Variants in LAMA5 observed in about 807,000 individuals in gnomAD.
LAMA5 encodes the protein laminin subunit alpha-5.
Under a neutral mutation model 433.4 loss-of-function variants are expected in LAMA5, and 260 were observed. That is an observed-to-expected ratio of 0.60 (90% CI 0.54 to 0.66). The LOEUF (loss-of-function observed/expected upper bound fraction) is 0.66, where lower values mean the gene tolerates loss of function less well. Ranked by LOEUF, LAMA5 falls within the 30% of genes least tolerant of loss-of-function variation. The probability of loss-of-function intolerance (pLI) is 0.00; values close to 1 mark genes in which losing one functional copy is unlikely to be tolerated. For synonymous variants in LAMA5, 2,620 were observed against 2,226.6 expected, an observed-to-expected ratio of 1.18 and a Z score of -4.97; for missense variants, 5,378 against 5,258.5, an observed-to-expected ratio of 1.02 and a Z score of -0.70.
rs773741750 is a variant in LAMA5, at chr20:62,327,445, C to A, written c.4939-39G>T. 4.4e-6 allele frequency: 7 copies of A among 1,595,696 alleles called. No homozygotes were observed. In the East Asian group the frequency reaches 1.3e-4, roughly 31 times the overall value. On this transcript the variant is annotated intron_variant, in intron 37 of 79. Coordinates refer to ENST00000252999, the MANE Select transcript of LAMA5 (RefSeq NM_005560.6). ...CGTGTGGCTGCACACGGGTGGATGCCCACACATCACAGGGCCCCATCTTGC... is the reference window on the plus strand; with the variant it reads ...CGTGTGGCTGCACACGGGTGGATGCACACACATCACAGGGCCCCATCTTGC...
Position 62,318,493 on chromosome 20 carries a change from C to A in LAMA5, c.7200G>T (p.Glu2400Asp). 6.2e-7 allele frequency: 1 copy of A among 1,608,350 alleles called. No homozygotes were observed. The highest frequency in any genetic ancestry group is 1.1e-5 in the South Asian group (1 of 91,044). The change falls in exon 53 of 80, where the codon GAG becomes GAT. Residue 2400 changes from glutamate to aspartate, a missense_variant. By Grantham distance (45) the Glu-to-Asp change is conservative. Coordinates refer to ENST00000252999, the MANE Select transcript of LAMA5 (RefSeq NM_005560.6). ...RAVDATREAQ[E>D]LNSRNQERLE... ...GGCGCTCCTGGTTGCGGCTGTTGAG[C>A]TCCTGGGCCTCCCGTGTGGCGTCCA...
At chr20:62,322,806 AGGGAGCCCCTAGGCACC>A (rs1210531894) in intron 45 of LAMA5, 48 bp from the exon 46 acceptor site, 2 of 1,276,668 alleles carry the variant, frequency 1.6e-6, no homozygotes, top group African/African-American at 1.5e-5. Flanking sequence ...TCACCCCCCC[AGGGAGCCCCTAGGCACC>A]CTCCTAAGCC....
intron 51 of LAMA5, among the ~76,000 whole-genome samples, chr20:62,319,472 G>A (rs1005240325): frequency 6.6e-6 from 1 of 152,122 alleles, no homozygotes; most frequent in African/African-American, 2.4e-5. Flanking sequence ...GCTGTCGAGG[G>A]GTCTGACGTC....
Position 62,329,805 on chromosome 20 carries a change from C to T in LAMA5, c.4091G>A (p.Arg1364His), listed in dbSNP as rs368363485. Residue 1364 changes from arginine to histidine, a missense_variant, in exon 32 of 80, where the codon CGT (arginine) becomes CAT (histidine). Physicochemically the swap from Arg to His is conservative, Grantham distance 29. Coordinates refer to ENST00000252999, the MANE Select transcript of LAMA5 (RefSeq NM_005560.6). ...VTHSELTVTV[R>H]VPKGRWLWLD... ...CCAGAGCCACCGGCCCTTGGGCACA[C>T]GCACGGTCACAGTGAGCTCGCTGTG... 243 of 1,612,314 alleles carry T rather than the reference C, an allele frequency of 1.5e-4. No individual in the cohort carries two copies. Among genetic ancestry groups the T allele is most frequent in the Middle Eastern group, 3.3e-4 (2 of 6,082 alleles).
rs1398665080 is a variant in LAMA5, at chr20:62,333,692, G to A, written c.2893C>T (p.Gln965Ter). 3 of 1,593,416 alleles carry A rather than the reference G, an allele frequency of 1.9e-6. No individual in the cohort carries two copies. The highest frequency in any genetic ancestry group is 2.6e-6 in the Non-Finnish European group (3 of 1,171,848). ...GTGCTGGGTGGGAAGGCCACGGGCTGACTCTGTGCTGTGCCTGGGCGGGGG... is the reference window on the plus strand; with the variant it reads ...GTGCTGGGTGGGAAGGCCACGGGCTAACTCTGTGCTGTGCCTGGGCGGGGG... ...ATCANCTAQSQPVAFPPSTEP... is the reference protein window; with the variant it reads ...ATCANCTAQS The change falls in exon 24 of 80, where the codon CAG (glutamine) becomes TAG (stop). Residue 965 changes from glutamine to a stop codon, truncating the protein, a stop_gained. Coordinates refer to ENST00000252999, the MANE Select transcript of LAMA5 (RefSeq NM_005560.6). LOFTEE classifies it high-confidence loss of function.
rs1025517383 is a variant in LAMA5, at chr20:62,324,572, C to G, written c.5530-18G>C. 8 of 1,568,384 alleles carry G rather than the reference C, an allele frequency of 5.1e-6. No homozygotes were observed. In the Admixed American group the frequency reaches 1.2e-4, roughly 24 times the overall value. ...GCACATTCCTGAGGGTGTACGGGGG[C>G]AGGTGGCATCAGCGATTGAGAGGAC... On this transcript the variant is annotated intron_variant, in intron 41 of 79. Coordinates refer to ENST00000252999, the MANE Select transcript of LAMA5 (RefSeq NM_005560.6). The surrounding 1 kb of genome is among the most constrained non-coding windows in gnomAD (Gnocchi z 4.4).
In LAMA5 at chr20:62,352,225, G is replaced by T; in HGVS notation, c.687+17C>A. On this transcript the variant is annotated intron_variant, in intron 4 of 79. Transcript: ENST00000252999. The stretch of plus-strand genomic sequence containing the variant: ...CGTTCTCCAGCCCCCGTACCGCCCT[G>T]CCCCTCCCCGGCCCACCTCTCCGTT... 1 of 1,592,130 alleles carries T rather than the reference G, an allele frequency of 6.3e-7. No individual in the cohort carries two copies. The highest frequency in any genetic ancestry group is 1.1e-5 in the South Asian group (1 of 90,732).
chr20:62,309,431 TGCA>T lies in LAMA5; in HGVS notation c.10990_10992del (p.Cys3664del). 6.3e-7 allele frequency: 1 copy of T among 1,584,630 alleles called. No individual in the cohort carries two copies. Among genetic ancestry groups the T allele is most frequent in the Non-Finnish European group, 8.5e-7 (1 of 1,174,388 alleles). On this transcript the variant is annotated inframe_deletion, in exon 80 of 80. Transcript: ENST00000252999. ...GACCGGTTCACCGCCAGCCTCCTCA[TGCA>T]GCCGCAGTAGGCGGGGGGCCAGGGC... is the stretch of plus-strand genomic sequence containing the variant.
intron 16 of LAMA5, chr20:62,337,126 C>T (rs955983965): frequency 4.0e-5 from 23 of 573,824 alleles, no homozygotes; most frequent in Middle Eastern, 2.7e-4. Context: ...CACACCCACA[C>T]GCCCGTGAAA....
At position 62,312,686 on chromosome 20, in the gene LAMA5, T is replaced by A; in HGVS notation, c.9173A>T (p.Glu3058Val). Residue 3058 changes from glutamate to valine, a missense_variant, in exon 67 of 80, where the codon GAG (glutamate) becomes GTG (valine). By Grantham distance (121) the Glu-to-Val change is moderately radical. Coordinates refer to ENST00000252999, the MANE Select transcript of LAMA5 (RefSeq NM_005560.6). ...CCCCAGGTAGTAGGCGTCGGCCAGC[T>A]CCAGATCATTGTCCTGCTCCACGCT... ...VYSVEQDNDL[E>V]LADAYYLGGV... The A allele has an allele frequency of 6.2e-7, 1 of 1,607,380 alleles. No individual in the cohort carries two copies. The highest frequency in any genetic ancestry group is 8.5e-7 in the Non-Finnish European group (1 of 1,177,796).
intron 48 of LAMA5, among the ~76,000 whole-genome samples, chr20:62,321,787 G>A (rs1475388998): frequency 2.0e-5 from 3 of 147,472 alleles, no homozygotes; most frequent in African/African-American, 7.6e-5. Flanking sequence ...GCCAGCAGAT[G>A]GGGTGGGGCC....
chr20:62,354,916 G>A (rs928852883), intron 2 of LAMA5, among the ~76,000 whole-genome samples: 5 of 152,302 alleles, frequency 3.3e-5, no homozygotes, highest in Middle Eastern at 3.4e-3. Flanking sequence ...GCAGGGAGGC[G>A]GAGGAAACAC....
In LAMA5 at chr20:62,322,745, G is replaced by A. The variant is rs1030327669; in HGVS notation, c.6078C>T (p.Thr2026=). 9 of 1,513,452 alleles carry A rather than the reference G, an allele frequency of 5.9e-6. No homozygotes were observed. The highest frequency in any genetic ancestry group is 2.1e-5 in the Admixed American group (1 of 47,464). The allele number at this position is 1,513,452 out of a possible 1,614,324, so 93.8% of individuals were successfully genotyped here. Residue 2026 remains threonine, a synonymous_variant, in exon 46 of 80, where the codon ACC becomes ACT. Coordinates refer to ENST00000252999, the MANE Select transcript of LAMA5 (RefSeq NM_005560.6). ...LPGNCTRCDC[T]PCGTEACDPH... The stretch of plus-strand genomic sequence containing the variant: ...GGTCGCAGGCCTCTGTCCCACATGG[G>A]GTACAGTCGCACCCTGCAGAAGGGG...
chr20:62,355,987 C>G (rs1191285153), intron 2 of LAMA5, among the ~76,000 whole-genome samples: 1 of 152,218 alleles, frequency 6.6e-6, no homozygotes, highest in Non-Finnish European at 1.5e-5. Flanking sequence ...AGGCTGCGCT[C>G]TCCTCGGCCC....
chr20:62,331,768 C>T (rs1009345331), intron 28 of LAMA5, among the ~76,000 whole-genome samples: 1 of 152,186 alleles, frequency 6.6e-6, no homozygotes, highest in Non-Finnish European at 1.5e-5. Flanking sequence ...TAGAAAGTGC[C>T]AGGCCAGGTA....
chr20:62,333,811 C>G (rs1222423313), intron 23 of LAMA5, 90 bp downstream of exon 23: 2 of 1,146,472 alleles, frequency 1.7e-6, no homozygotes, highest in African/African-American at 3.5e-5. Context: ...CCCACATGAG[C>G]CAGAGGAAGG....
Position 62,334,615 on chromosome 20 carries a change from C to A in LAMA5, c.2489G>T (p.Arg830Leu), listed in dbSNP as rs1317328135. Residue 830 changes from arginine to leucine, a missense_variant, in exon 21 of 80, where the codon CGG becomes CTG. By Grantham distance (102) the Arg-to-Leu change is moderately radical. Transcript: ENST00000252999. ...QADYFGCRSCRCDIGGALGQS... is the reference protein window; with the variant it reads ...QADYFGCRSCLCDIGGALGQS... ...GCCCAGTGCACCGCCAATGTCACACCGGCAGCCTGCAGGGAGAAGGTGGGA... is the reference window on the plus strand; with the variant it reads ...GCCCAGTGCACCGCCAATGTCACACAGGCAGCCTGCAGGGAGAAGGTGGGA... 1 of 1,546,380 alleles carries A rather than the reference C, an allele frequency of 6.5e-7. No homozygotes were observed. Among genetic ancestry groups the A allele is most frequent in the Non-Finnish European group, 8.7e-7 (1 of 1,146,472 alleles).
chr20:62,332,327 T>C, intron 28 of LAMA5, 45 bp downstream of exon 28: 1 of 1,380,680 alleles, frequency 7.2e-7, no homozygotes, highest in Non-Finnish European at 1.0e-6. Flanking sequence ...TCAAATCTTC[T>C]GAAAGAAGCT....
Position 62,324,145 on chromosome 20 carries a change from G to C in LAMA5, c.5703C>G (p.Ser1901Arg), listed in dbSNP as rs199700711. Reference sequence around the variant, plus strand: ...AGGGGGCGCTGGGGTCGTCCCTGCTGCTCACGAAGCCAGCCTGGCAGCGCT... The same window carrying C: ...AGGGGGCGCTGGGGTCGTCCCTGCTCCTCACGAAGCCAGCCTGGCAGCGCT... ...HCERCQAGFV[S>R]SRDDPSAPCV... Residue 1901 changes from serine (S) to arginine (R), a missense_variant, in exon 43 of 80, where the codon AGC becomes AGG. Physicochemically the swap from Ser to Arg is moderately radical, Grantham distance 110. Coordinates refer to ENST00000252999, the MANE Select transcript of LAMA5 (RefSeq NM_005560.6). This position sits in a 1 kb window ranked among gnomAD's most constrained non-coding sequence, Gnocchi z 4.4. 12 of 1,558,122 alleles carry C rather than the reference G, an allele frequency of 7.7e-6. No individual in the cohort carries two copies. In the East Asian group the frequency reaches 2.5e-4, roughly 33 times the overall value.
Sources: gnomAD v4.1 joint callset for allele counts (sites outside exome capture counted in the v4.1 genomes callset) on GRCh38, gnomAD v4.1.1 for gene constraint, Gnocchi (gnomAD v3.1) non-coding constraint, MANE v1.5 for transcripts, NCBI Gene and HGNC (gene_info 2026-07-23, HGNC 2026-07-21) for gene names.